PPP2R2B: variants seen among roughly 807,000 people sequenced by gnomAD.
PPP2R2B encodes protein phosphatase 2 regulatory subunit Bbeta.
PPP2R2B carries 5 observed loss-of-function variants against 46.0 expected under a neutral mutation model. That is an observed-to-expected ratio of 0.11 (90% CI 0.06 to 0.23). The LOEUF (loss-of-function observed/expected upper bound fraction) is 0.23. PPP2R2B is among the 10% of genes least tolerant of loss of function. The probability of loss-of-function intolerance (pLI) is 1.00; values close to 1 mark genes in which losing one functional copy is unlikely to be tolerated. For missense variants in PPP2R2B, 367 were observed against 575.0 expected, an observed-to-expected ratio of 0.64 and a Z score of 3.70; for synonymous variants, 215 against 206.7, an observed-to-expected ratio of 1.04 and a Z score of -0.34.
intron 5 of PPP2R2B, among the ~76,000 whole-genome samples, chr5:146,674,695 G>A (rs1322359638): frequency 1.3e-5 from 2 of 152,190 alleles, no homozygotes; most frequent in Admixed American, 6.5e-5. Flanking sequence ...GAATATCTGG[G>A]CTGGACAAAC....
At chr5:146,846,699 CT>C (rs1760034786) in intron 2 of PPP2R2B, among the ~76,000 whole-genome samples, 2 of 152,056 alleles carry the variant, frequency 1.3e-5, no homozygotes, top group South Asian at 4.1e-4. Context: ...TTAATTTTAT[CT>C]GTATTCTTTA....
chr5:146,608,101 A>G (rs1453084675), intron 7 of PPP2R2B, among the ~76,000 whole-genome samples: 1 of 152,232 alleles, frequency 6.6e-6, no homozygotes, highest in Non-Finnish European at 1.5e-5. Context: ...GCTGTATGCC[A>G]TAGTTTGCTG....
chr5:146,812,824 T>C (rs1223510556), intron 2 of PPP2R2B, among the ~76,000 whole-genome samples: 1 of 92,698 alleles, frequency 1.1e-5, no homozygotes, highest in Non-Finnish European at 2.1e-5. Flanking sequence ...TATATATATA[T>C]ATATACACAC....
intron 1 of PPP2R2B, among the ~76,000 whole-genome samples, chr5:146,951,482 C>T (rs752257250): frequency 3.3e-5 from 5 of 151,980 alleles, no homozygotes; most frequent in African/African-American, 4.8e-5. Context: ...TATGCATTAG[C>T]TATTTTTCCT....
chr5:146,959,665 T>G (rs1239836498), intron 1 of PPP2R2B, among the ~76,000 whole-genome samples: 1 of 152,134 alleles, frequency 6.6e-6, no homozygotes, highest in Non-Finnish European at 1.5e-5. Flanking sequence ...GAAGAGGTGC[T>G]TGAACTGTGC....
intron 2 of PPP2R2B, among the ~76,000 whole-genome samples, chr5:146,713,056 T>C (rs1217359253): frequency 6.6e-6 from 1 of 152,216 alleles, no homozygotes; most frequent in African/African-American, 2.4e-5. Context: ...TTGTATGTTA[T>C]GTACTAAGGA....
intron 5 of PPP2R2B, among the ~76,000 whole-genome samples, chr5:146,654,174 C>T (rs1223082933): frequency 6.6e-6 from 1 of 152,190 alleles, no homozygotes; most frequent in Non-Finnish European, 1.5e-5. Flanking sequence ...CCCTGACTCC[C>T]TGCCCCACCC....
At chr5:146,665,684 AGTGTTGGGCCT>A (rs945130198) in intron 5 of PPP2R2B, among the ~76,000 whole-genome samples, 1 of 152,242 alleles carries the variant, frequency 6.6e-6, no homozygotes, top group African/African-American at 2.4e-5. Flanking sequence ...CAAGAGGCCC[AGTGTTGGGCCT>A]GTGTTGGCTT....
At chr5:147,034,885 G>A (rs559346725) in intron 1 of PPP2R2B, among the ~76,000 whole-genome samples, 1 of 151,854 alleles carries the variant, frequency 6.6e-6, no homozygotes, top group African/African-American at 2.4e-5. Context: ...GTAATGATAA[G>A]ATAGACTTTG....
At chr5:146,803,124 G>T (rs976606533) in intron 2 of PPP2R2B, among the ~76,000 whole-genome samples, 5 of 152,100 alleles carry the variant, frequency 3.3e-5, no homozygotes, top group Admixed American at 6.5e-5. Context: ...TCCATAGAGC[G>T]CATGCCTAAT....
intron 1 of PPP2R2B, among the ~76,000 whole-genome samples, chr5:146,947,808 C>T (rs575844446): frequency 1.3e-5 from 2 of 151,850 alleles, no homozygotes; most frequent in South Asian, 2.1e-4. Context: ...AGCCATGCAA[C>T]CCTGTGTTCT....
At chr5:146,728,334 C>T (rs909531755) in intron 2 of PPP2R2B, among the ~76,000 whole-genome samples, 1 of 151,908 alleles carries the variant, frequency 6.6e-6, no homozygotes, top group African/African-American at 2.4e-5. Flanking sequence ...TTAAATAAGA[C>T]CTTTTCCCCA....
chr5:146,790,369 A>G (rs1057211772), intron 2 of PPP2R2B, among the ~76,000 whole-genome samples: 1 of 152,182 alleles, frequency 6.6e-6, no homozygotes, highest in African/African-American at 2.4e-5. Context: ...TGCTCTTGGG[A>G]CCTTAAGTGA....
chr5:146,831,731 A>C (rs943152854), intron 2 of PPP2R2B, among the ~76,000 whole-genome samples: 4 of 152,244 alleles, frequency 2.6e-5, no homozygotes, highest in Non-Finnish European at 5.9e-5. Flanking sequence ...CGGAGGCTGC[A>C]GTGAGCCGAG....
At chr5:146,761,537 C>T (rs1401668398) in intron 2 of PPP2R2B, among the ~76,000 whole-genome samples, 1 of 151,728 alleles carries the variant, frequency 6.6e-6, no homozygotes, top group Non-Finnish European at 1.5e-5. Context: ...GTGGGGGGTG[C>T]AGCACACCAA....
rs1764611223 is a variant in PPP2R2B at position 146,950,279 on chromosome 5, A to C, written c.79+105386T>G. On this transcript the variant is annotated intron_variant, in intron 1 of 8. Coordinates refer to the PPP2R2B transcript ENST00000336640. Reference sequence around the variant, plus strand: ...TACCTGTAAAAATTAAAAATAAGGCAATCAGGGAACTTTGAACATGATAGA... The same window carrying C: ...TACCTGTAAAAATTAAAAATAAGGCCATCAGGGAACTTTGAACATGATAGA... Among the ~76,000 whole-genome samples, 10 of 152,128 alleles carry C rather than the reference A, an allele frequency of 6.6e-5. 2 individuals carry two copies. In the South Asian group the frequency reaches 1.9e-3, roughly 28 times the overall value.
chr5:146,907,500 C>T (rs531184442), intron 1 of PPP2R2B, among the ~76,000 whole-genome samples: 2 of 152,274 alleles, frequency 1.3e-5, no homozygotes, highest in African/African-American at 4.8e-5. Context: ...AGGGCAAAGT[C>T]TACAACAGCA....
intron 2 of PPP2R2B, among the ~76,000 whole-genome samples, chr5:146,800,855 G>C (rs926623322): frequency 5.9e-5 from 9 of 151,698 alleles, no homozygotes; most frequent in Non-Finnish European, 1.2e-4. Context: ...AGCCAGATAT[G>C]GAAGCAACCT....
chr5:146,922,551 C>T (rs529375080), intron 1 of PPP2R2B: 1 of 152,370 alleles, frequency 6.6e-6, no homozygotes, highest in East Asian at 1.9e-4. Context: ...GCGGGGAGCT[C>T]AGGGTCTGGT....
Sources: allele counts gnomAD v4.1 joint callset (sites outside exome capture counted in the v4.1 genomes callset), GRCh38; gene constraint gnomAD v4.1.1; transcripts MANE v1.5; gene names NCBI Gene and HGNC (gene_info 2026-07-23, HGNC 2026-07-21).